CHCHD6: variants seen among roughly 807,000 people sequenced by gnomAD.
CHCHD6 encodes the protein MICOS complex subunit MIC25.
Under a neutral mutation model 32.3 loss-of-function variants are expected in CHCHD6, and 28 were observed. The observed-to-expected ratio is 0.87, with a 90% CI of 0.64 to 1.19. CHCHD6 has a LOEUF of 1.19. Among genes scored for constraint, CHCHD6 ranks in the 50% most tolerant of loss-of-function variants. The pLI is 0.00. For missense variants in CHCHD6, 333 were observed against 307.0 expected, an observed-to-expected ratio of 1.08 and a Z score of -0.63; for synonymous variants, 122 against 117.5, an observed-to-expected ratio of 1.04 and a Z score of -0.25.
intron 4 of CHCHD6, among the ~76,000 whole-genome samples, chr3:126,747,323 A>G (rs1004390747): frequency 6.6e-6 from 1 of 152,054 alleles, no homozygotes; most frequent in Non-Finnish European, 1.5e-5. Flanking sequence ...GCTCATTTCT[A>G]CTGCTTATCT....
intron 4 of CHCHD6, among the ~76,000 whole-genome samples, chr3:126,769,897 G>A (rs990776382): frequency 2.0e-5 from 3 of 152,192 alleles, no homozygotes; most frequent in African/African-American, 7.2e-5. Flanking sequence ...GATAGGAATA[G>A]CATTGAATCT....
At chr3:126,940,253 G>A (rs573734535) in intron 6 of CHCHD6, among the ~76,000 whole-genome samples, 3 of 152,278 alleles carry the variant, frequency 2.0e-5, no homozygotes, top group East Asian at 3.9e-4. Context: ...CCATGTTCAC[G>A]GAGCACAGCC....
chr3:126,787,412 G>T (rs1390744096), intron 4 of CHCHD6, among the ~76,000 whole-genome samples: 1 of 152,154 alleles, frequency 6.6e-6, no homozygotes, highest in Non-Finnish European at 1.5e-5. Flanking sequence ...AAGTTACCTT[G>T]GGCAGTATGG....
chr3:126,754,882 A>C (rs1051119965), intron 4 of CHCHD6, among the ~76,000 whole-genome samples: 117 of 152,310 alleles, frequency 7.7e-4, no homozygotes, highest in African/African-American at 2.7e-3. Context: ...CTCCAGGCTA[A>C]GAAGCTGATG....
chr3:126,902,850 G>T (rs1209944268), intron 5 of CHCHD6, among the ~76,000 whole-genome samples: 3 of 152,184 alleles, frequency 2.0e-5, no homozygotes, highest in Non-Finnish European at 2.9e-5. Flanking sequence ...GTGTGGAGAA[G>T]GGTCTGAGAG....
intron 4 of CHCHD6, among the ~76,000 whole-genome samples, chr3:126,753,472 A>G (rs561639942): frequency 2.0e-5 from 3 of 152,294 alleles, no homozygotes; most frequent in East Asian, 1.9e-4. Context: ...TGCCTGCCAT[A>G]GCTGCGGCTT....
chr3:126,866,013 G>A (rs1412142142), intron 5 of CHCHD6, among the ~76,000 whole-genome samples: 1 of 152,120 alleles, frequency 6.6e-6, no homozygotes, highest in Non-Finnish European at 1.5e-5. Flanking sequence ...TGGTGGGGTT[G>A]GGGAGTGCAG....
At chr3:126,852,976 G>A (rs1172637764) in intron 5 of CHCHD6, among the ~76,000 whole-genome samples, 1 of 151,754 alleles carries the variant, frequency 6.6e-6, no homozygotes, top group Non-Finnish European at 1.5e-5. Context: ...TTTTTTTGTT[G>A]AATGTGGCTG....
At chr3:126,882,740 G>A (rs547918763) in intron 5 of CHCHD6, among the ~76,000 whole-genome samples, 7 of 152,328 alleles carry the variant, frequency 4.6e-5, no homozygotes, top group Non-Finnish European at 5.9e-5. Context: ...GAGCCAGGAC[G>A]CTCCTTGTAC....
At chr3:126,804,205 A>T (rs1223410118) in intron 4 of CHCHD6, among the ~76,000 whole-genome samples, 5 of 152,224 alleles carry the variant, frequency 3.3e-5, no homozygotes, top group Non-Finnish European at 5.9e-5. Context: ...GCAAGAAATA[A>T]CTAAAATGAG....
intron 4 of CHCHD6, among the ~76,000 whole-genome samples, chr3:126,796,285 G>T (rs1168940251): frequency 6.6e-6 from 1 of 152,166 alleles, no homozygotes; most frequent in African/African-American, 2.4e-5. Flanking sequence ...AAGAGTTCAA[G>T]GCTTCAGTGA....
chr3:126,863,560 T>A (rs1458537135), intron 5 of CHCHD6, among the ~76,000 whole-genome samples: 1 of 122,058 alleles, frequency 8.2e-6, no homozygotes, highest in Admixed American at 7.9e-5. Flanking sequence ...CACCACCTCC[T>A]CCTCCACCAT....
chr3:126,842,616 A>C (rs1221130236), intron 4 of CHCHD6, among the ~76,000 whole-genome samples: 1 of 152,222 alleles, frequency 6.6e-6, no homozygotes, highest in Non-Finnish European at 1.5e-5. Flanking sequence ...TAATTTGCTT[A>C]AATCTCAATT....
chr3:126,772,034 T>C (rs1210352026), intron 4 of CHCHD6, among the ~76,000 whole-genome samples: 2 of 152,138 alleles, frequency 1.3e-5, no homozygotes, highest in South Asian at 4.1e-4. Flanking sequence ...GCCTCAGTGG[T>C]CTCTCTAATA....
intron 4 of CHCHD6, among the ~76,000 whole-genome samples, chr3:126,828,206 T>C (rs749746599): frequency 6.6e-6 from 1 of 152,212 alleles, no homozygotes; most frequent in Non-Finnish European, 1.5e-5. Flanking sequence ...GTTTCAGTTA[T>C]CTTCTGTAAG....
intron 4 of CHCHD6, among the ~76,000 whole-genome samples, chr3:126,803,113 G>A (rs1272853913): frequency 1.1e-4 from 17 of 151,920 alleles, no homozygotes; most frequent in Admixed American, 7.2e-4. Context: ...AAAAACATGC[G>A]AAAATGTAAA....
At chr3:126,751,432 G>A (rs1576371912) in intron 4 of CHCHD6, among the ~76,000 whole-genome samples, 2 of 150,174 alleles carry the variant, frequency 1.3e-5, no homozygotes, top group South Asian at 2.1e-4. Flanking sequence ...AGCCTTGGAG[G>A]TCGAGGTTGC....
intron 5 of CHCHD6, among the ~76,000 whole-genome samples, chr3:126,862,238 T>C (rs868171847): frequency 3.6e-4 from 20 of 56,128 alleles, no homozygotes; most frequent in Non-Finnish European, 3.7e-4. Flanking sequence ...TCCTCCTCCA[T>C]CACCACCTCC....
intron 4 of CHCHD6, among the ~76,000 whole-genome samples, chr3:126,768,859 T>A (rs1937482564): frequency 6.6e-6 from 1 of 152,240 alleles, no homozygotes; most frequent in Non-Finnish European, 1.5e-5. Context: ...GCTGCATGTA[T>A]GTCCTTTGCC....
Sources: gnomAD v4.1 joint callset for allele counts (sites outside exome capture counted in the v4.1 genomes callset) on GRCh38, gnomAD v4.1.1 for gene constraint, MANE v1.5 for transcripts, NCBI Gene and HGNC (gene_info 2026-07-23, HGNC 2026-07-21) for gene names.